RAB11FIP5: variants seen among roughly 807,000 people sequenced by gnomAD.
RAB11FIP5 encodes rab11 family-interacting protein 5.
RAB11FIP5 carries 48 observed loss-of-function variants against 85.1 expected under a neutral mutation model. The observed-to-expected ratio is 0.56, with a 90% CI of 0.45 to 0.72. The LOEUF is 0.72. Among genes scored for constraint, RAB11FIP5 ranks in the 30% least tolerant of loss-of-function variants. The pLI is 0.00. For synonymous variants in RAB11FIP5, 729 were observed against 727.3 expected (o/e 1.00, Z -0.04); for missense variants, 1,491 against 1,687.0 (o/e 0.88, Z 2.04).
chr2:73,088,133 T>C lies in RAB11FIP5; in HGVS notation c.1485A>G (p.Pro495=). The C allele has an allele frequency of 6.2e-7, 1 of 1,614,064 alleles. No homozygotes were observed. The highest frequency in any genetic ancestry group is 1.1e-5 in the South Asian group (1 of 91,074). The part of the protein sequence containing the change: ...EKGGPILGAS[P]HHSSSGEEKA... ...TTTCCTCCCCACTGGATGAGTGATG[T>C]GGGGAGGCCCCCAGGATGGGACCCC... The change falls in exon 3 of 6, where the codon CCA becomes CCG. Residue 495 remains proline, a synonymous_variant. Coordinates refer to ENST00000486777, the MANE Select transcript of RAB11FIP5 (RefSeq NM_001371272.1).
At chr2:73,106,343 T>A (rs1401550286) in intron 1 of RAB11FIP5, among the ~76,000 whole-genome samples, 1 of 152,174 alleles carries the variant, frequency 6.6e-6, no homozygotes, top group Admixed American at 6.5e-5. Context: ...CTGGTGTATG[T>A]CCCCTCCTCA....
At chr2:73,092,453 C>G (rs1684235248) in intron 1 of RAB11FIP5, among the ~76,000 whole-genome samples, 1 of 152,178 alleles carries the variant, frequency 6.6e-6, no homozygotes, top group Non-Finnish European at 1.5e-5. Context: ...TTATAAGGAG[C>G]ATATATTACT....
rs184857334 is a variant in RAB11FIP5, at chr2:73,094,437, C to T, written c.432-5122G>A. On this transcript the variant is annotated intron_variant, in intron 1 of 5. Transcript: ENST00000486777. ...GCTCACAAGACAGCTCTCATTTTCA[C>T]AGCTCCACAGCTGTAGCACCCAAAC... 9.8e-5 allele frequency among the ~76,000 whole-genome samples: 15 copies of T among 152,370 alleles called. No homozygotes were observed. In the South Asian group the frequency reaches 1.4e-3, roughly 15 times the overall value.
chr2:73,102,574 T>C (rs1684449579), intron 1 of RAB11FIP5, among the ~76,000 whole-genome samples: 1 of 152,178 alleles, frequency 6.6e-6, no homozygotes, highest in Non-Finnish European at 1.5e-5. Context: ...GCACCCCTTT[T>C]TCGCCCCCTG....
At chr2:73,108,807 G>A (rs1038588621) in intron 1 of RAB11FIP5, among the ~76,000 whole-genome samples, 11 of 152,148 alleles carry the variant, frequency 7.2e-5, no homozygotes, top group African/African-American at 2.7e-4. Context: ...ACTTTGGGAG[G>A]CCAAGACAGG....
Position 73,112,877 on chromosome 2 carries a change from A to G in RAB11FIP5, c.-100T>C. Reference sequence around the variant, plus strand: ...AGAAGGCGGTCAGGAACCAACTCTGAGCGCCGCCGCAGCTGCGGGCTGGGC... The same window carrying G: ...AGAAGGCGGTCAGGAACCAACTCTGGGCGCCGCCGCAGCTGCGGGCTGGGC... On this transcript the variant is annotated 5_prime_UTR_variant, in exon 1 of 6. Transcript: ENST00000486777. 8.8e-7 allele frequency: 1 copy of G among 1,136,174 alleles called. No individual in the cohort carries two copies. Among genetic ancestry groups the G allele is most frequent in the Non-Finnish European group, 1.1e-6 (1 of 882,178 alleles). 70.4% of individuals were successfully genotyped at this position (1,136,174 alleles called of 1,614,324 possible). A position where few individuals can be genotyped will look rare whatever the true frequency, so the allele number is the denominator to read the frequency against.
chr2:73,092,219 G>A (rs1465347001), intron 1 of RAB11FIP5, among the ~76,000 whole-genome samples: 1 of 152,194 alleles, frequency 6.6e-6, no homozygotes, highest in African/African-American at 2.4e-5. Context: ...CAAAAGAGAA[G>A]GGTATGGACT....
chr2:73,110,045 T>G (rs1684608347), intron 1 of RAB11FIP5, among the ~76,000 whole-genome samples: 2 of 152,226 alleles, frequency 1.3e-5, no homozygotes, highest in South Asian at 4.1e-4. Context: ...GTGGCAGTTT[T>G]GGGACTGGGA....
intron 1 of RAB11FIP5, among the ~76,000 whole-genome samples, chr2:73,100,041 GCGAA>G (rs1388687675): frequency 6.6e-6 from 1 of 152,186 alleles, no homozygotes; most frequent in Non-Finnish European, 1.5e-5. Context: ...TCTTCTAAAA[GCGAA>G]AGCAGGGCAC....
chr2:73,090,826 C>A (rs2106112599), intron 1 of RAB11FIP5, among the ~76,000 whole-genome samples: 1 of 152,298 alleles, frequency 6.6e-6, no homozygotes, highest in African/African-American at 2.4e-5. Context: ...GGTGGACATG[C>A]ATTGTTATAC....
At chr2:73,110,742 C>T (rs1427476992) in intron 1 of RAB11FIP5, among the ~76,000 whole-genome samples, 1 of 152,102 alleles carries the variant, frequency 6.6e-6, no homozygotes, top group Non-Finnish European at 1.5e-5. Context: ...AAAAAACAAT[C>T]AAAGAAGCTG....
At chr2:73,106,546 C>G (rs1269244824) in intron 1 of RAB11FIP5, among the ~76,000 whole-genome samples, 2 of 152,314 alleles carry the variant, frequency 1.3e-5, no homozygotes, top group Admixed American at 1.3e-4. Context: ...GCCTCTAGAA[C>G]TGCCTTTGGA....
chr2:73,083,164 G>A lies in RAB11FIP5; in HGVS notation c.1569-1501C>T, dbSNP rs112157366. Among the ~76,000 whole-genome samples, 1,407 of 152,378 alleles carry A rather than the reference G, an allele frequency of 9.2e-3. 10 individuals are homozygous for A. Among genetic ancestry groups the A allele is most frequent in the South Asian group, 0.012 (59 of 4,834 alleles). On this transcript the variant is annotated intron_variant, in intron 3 of 5. Coordinates refer to ENST00000486777, the MANE Select transcript of RAB11FIP5 (RefSeq NM_001371272.1). ...GCTTTGGCCAGCCAGCCCATAAGGA[G>A]TGTGGCTTGGGGTAGGAAGGGCACC...
chr2:73,076,298 T>A, intron 4 of RAB11FIP5, 116 bp from the exon 5 acceptor site: 1 of 1,003,084 alleles, frequency 1.0e-6, no homozygotes, highest in Non-Finnish European at 1.5e-6. Context: ...CAGCACTGGG[T>A]GGTAGCTGCC....
rs1351706899 is a variant in RAB11FIP5 at position 73,089,284 on chromosome 2, T to C, written c.463A>G (p.Lys155Glu). 3 of 1,613,974 alleles carry C rather than the reference T, an allele frequency of 1.9e-6. No homozygotes were observed. Among genetic ancestry groups the C allele is most frequent in the Non-Finnish European group, 1.7e-6 (2 of 1,179,986 alleles). Reference protein sequence around the residue: ...WYKLHSKPGKKEKERGEIEVT... With the variant: ...WYKLHSKPGKEEKERGEIEVT... ...TCAATCTCGCCGCGTTCCTTCTCCT[T>C]CTTGCCTGGCTTGGAGTGCAGCTTG... is the stretch of plus-strand genomic sequence containing the variant. The change falls in exon 2 of 6, where the codon AAG becomes GAG. Residue 155 changes from lysine (K) to glutamate (E), a missense_variant. By Grantham distance (56) the Lys-to-Glu change is moderately conservative. Transcript: ENST00000486777. This position sits in a 1 kb window ranked among gnomAD's most constrained non-coding sequence, Gnocchi z 4.6.
In RAB11FIP5 at chr2:73,080,606, C is replaced by T. The variant is rs1211745093; in HGVS notation, c.2626G>A (p.Glu876Lys). The T allele has an allele frequency of 1.1e-5, 14 of 1,232,246 alleles. No homozygotes were observed. Among genetic ancestry groups the T allele is most frequent in the Admixed American group, 4.2e-5 (1 of 23,698 alleles). The allele number at this position is 1,232,246 out of a possible 1,614,324, so 76.3% of individuals were successfully genotyped here. ...TCGGGCTCCGGTGGGGGAAGCCCCT[C>T]GCTCCCCTTGGGGCTCACAGTTTCT... ...SPETVSPKGS[E>K]GLPPPEPEPK... is the part of the protein sequence containing the mutation. Residue 876 changes from glutamate to lysine, a missense_variant, in exon 4 of 6, where the codon GAG becomes AAG. Physicochemically the swap from Glu to Lys is moderately conservative, Grantham distance 56. This residue lies in a region of RAB11FIP5 where 1,211 missense variants were observed against 1,338.0 expected (regional missense o/e 0.91). Coordinates refer to ENST00000486777, the MANE Select transcript of RAB11FIP5 (RefSeq NM_001371272.1).
chr2:73,076,057 C>T lies in RAB11FIP5; in HGVS notation c.3707G>A (p.Gly1236Glu). The T allele has an allele frequency of 6.2e-7, 1 of 1,614,164 alleles. No homozygotes were observed. Among genetic ancestry groups the T allele is most frequent in the Non-Finnish European group, 8.5e-7 (1 of 1,179,986 alleles). The part of the protein sequence containing the change: ...GLEKLKTVTS[G>E]SIQPVTQAPQ... ...GGCCTGGGTCACAGGCTGAATGCTCCCAGATGTGACTGTTTTGAGCTTCTC... is the reference window on the plus strand; with the variant it reads ...GGCCTGGGTCACAGGCTGAATGCTCTCAGATGTGACTGTTTTGAGCTTCTC... The change falls in exon 5 of 6, where the codon GGG becomes GAG. Residue 1236 changes from glycine (G) to glutamate (E), a missense_variant. Physicochemically the swap from Gly to Glu is moderately conservative, Grantham distance 98 (BLOSUM62 -2). Coordinates refer to ENST00000486777, the MANE Select transcript of RAB11FIP5 (RefSeq NM_001371272.1).
At position 73,075,593 on chromosome 2, in the gene RAB11FIP5, G is replaced by A. The variant is rs763437962; in HGVS notation, c.3903C>T (p.Ile1301=). 3.7e-6 allele frequency: 6 copies of A among 1,614,156 alleles called. No individual in the cohort carries two copies. The highest frequency in any genetic ancestry group is 2.2e-5 in the East Asian group (1 of 44,876). ...CCATGATCCGCACCAGCAGCCGGTC[G>A]ATGTAGCTCTCCAGCTCCTGCACAT... ...DEHVQELESY[I]DRLLVRIMET... is the part of the protein sequence containing the mutation. The change falls in exon 6 of 6, where the codon ATC becomes ATT. Residue 1301 remains isoleucine, a synonymous_variant. Coordinates refer to ENST00000486777, the MANE Select transcript of RAB11FIP5 (RefSeq NM_001371272.1). This position sits in a 1 kb window ranked among gnomAD's most constrained non-coding sequence, Gnocchi z 4.6.
Position 73,112,558 on chromosome 2 carries a change from A to C in RAB11FIP5, c.220T>G (p.Ser74Ala). ...HGCPEWREEC[S>A]FELPPGALDG... is the part of the protein sequence containing the mutation. ...AGGGCCCCCGGCGGCAGCTCGAAGGAGCACTCCTCACGCCACTCGGGGCAG... is the reference window on the plus strand; with the variant it reads ...AGGGCCCCCGGCGGCAGCTCGAAGGCGCACTCCTCACGCCACTCGGGGCAG... Residue 74 changes from serine to alanine, a missense_variant, in exon 1 of 6, where the codon TCC becomes GCC. By Grantham distance (99) the Ser-to-Ala change is moderately conservative. Around this residue, in one of 3 missense-constraint regions of RAB11FIP5, gnomAD observed 1,211 missense variants for 1,338.0 expected, o/e 0.91. Coordinates refer to ENST00000486777, the MANE Select transcript of RAB11FIP5 (RefSeq NM_001371272.1). The C allele has an allele frequency of 6.4e-7, 1 of 1,571,238 alleles. No individual in the cohort carries two copies. Among genetic ancestry groups the C allele is most frequent in the Non-Finnish European group, 8.6e-7 (1 of 1,161,422 alleles).
Sources: allele counts gnomAD v4.1 joint callset (sites outside exome capture counted in the v4.1 genomes callset), GRCh38; gene constraint gnomAD v4.1.1; regional missense constraint gnomAD v4.1.1; non-coding constraint Gnocchi (gnomAD v3.1); transcripts MANE v1.5; gene names NCBI Gene and HGNC (gene_info 2026-07-23, HGNC 2026-07-21).